ANKRD44: variants seen among roughly 807,000 people sequenced by gnomAD.
ANKRD44 encodes the protein ankyrin repeat domain 44.
Under a neutral mutation model 116.0 loss-of-function variants are expected in ANKRD44, and 35 were observed. That is an observed-to-expected ratio of 0.30 (90% CI 0.23 to 0.40). The LOEUF is 0.40. Ranked by LOEUF, ANKRD44 falls within the 10% of genes least tolerant of loss-of-function variation. The pLI is 1.00. For synonymous variants in ANKRD44, 435 were observed against 461.8 expected (o/e 0.94, Z 0.74); for missense variants, 1,014 against 1,242.6 (o/e 0.82, Z 2.77).
intron 2 of ANKRD44, among the ~76,000 whole-genome samples, chr2:197,164,767 A>G (rs2080065528): frequency 1.3e-5 from 2 of 151,354 alleles, no homozygotes; most frequent in Admixed American, 1.3e-4. Context: ...ATTCCCAGCA[A>G]TGCCTCTCAG....
intron 8 of ANKRD44, among the ~76,000 whole-genome samples, chr2:197,115,558 CATCT>C (rs1302095758): frequency 1.3e-5 from 2 of 152,170 alleles, no homozygotes; most frequent in Non-Finnish European, 2.9e-5. Flanking sequence ...TCTTCCCATC[CATCT>C]TTTAGTTGCT....
At chr2:197,266,309 A>G (rs1400209689) in intron 1 of ANKRD44, among the ~76,000 whole-genome samples, 1 of 152,152 alleles carries the variant, frequency 6.6e-6, no homozygotes, top group Non-Finnish European at 1.5e-5. Context: ...AAAGCCTCAA[A>G]TAACAGCTAA....
intron 1 of ANKRD44, among the ~76,000 whole-genome samples, chr2:197,218,182 G>C (rs996516034): frequency 6.6e-6 from 1 of 152,282 alleles, no homozygotes; most frequent in African/African-American, 2.4e-5. Flanking sequence ...AGACTATCCT[G>C]TACCTGAAAG....
chr2:196,981,015 T>C (rs1163071292), intron 21 of ANKRD44, among the ~76,000 whole-genome samples: 1 of 147,892 alleles, frequency 6.8e-6, no homozygotes, highest in African/African-American at 2.5e-5. Flanking sequence ...AATGCTTTTT[T>C]TTCTTCAGTC....
intron 4 of ANKRD44, among the ~76,000 whole-genome samples, chr2:197,126,948 A>G (rs1361627984): frequency 6.6e-6 from 1 of 151,970 alleles, no homozygotes; most frequent in Non-Finnish European, 1.5e-5. Context: ...TGATCATGAC[A>G]CTGCACTCCG....
In ANKRD44 at chr2:196,987,987, G is replaced by A; in HGVS notation, c.*1604C>T. 1.0e-6 allele frequency: 1 copy of A among 985,312 alleles called. No homozygotes were observed. The highest frequency in any genetic ancestry group is 1.2e-6 in the Non-Finnish European group (1 of 829,850). 61.0% of individuals were successfully genotyped at this position (985,312 alleles called of 1,614,324 possible). On this transcript the variant is annotated 3_prime_UTR_variant, in exon 28 of 28. Coordinates refer to ENST00000282272, the MANE Select transcript of ANKRD44 (RefSeq NM_001195144.2). The stretch of plus-strand genomic sequence containing the variant: ...AGAAAGAGAAAGAGAGGAAGAGAGA[G>A]AGAGAGAGATCAGTTGATGTAATGA...
chr2:197,005,982 G>C, intron 20 of ANKRD44, 72 bp from the exon 21 acceptor site: 1 of 1,460,988 alleles, frequency 6.8e-7, no homozygotes, highest in Non-Finnish European at 9.5e-7. Context: ...GGCTAAGTGA[G>C]GCTGGGCTTA....
In ANKRD44 at chr2:196,989,451, T is replaced by A; in HGVS notation, c.*140A>T. On this transcript the variant is annotated 3_prime_UTR_variant, in exon 28 of 28. Coordinates refer to ENST00000282272, the MANE Select transcript of ANKRD44 (RefSeq NM_001195144.2). ...ACTTGCATTTTGAAGGAAAAAAATGTGTATCTTCCATTTTAGACTGAAGCA... is the reference window on the plus strand; with the variant it reads ...ACTTGCATTTTGAAGGAAAAAAATGAGTATCTTCCATTTTAGACTGAAGCA... The A allele has an allele frequency of 7.9e-7, 1 of 1,269,418 alleles. No homozygotes were observed. The highest frequency in any genetic ancestry group is 9.9e-7 in the Non-Finnish European group (1 of 1,005,230). 78.6% of individuals were successfully genotyped at this position (1,269,418 alleles called of 1,614,324 possible). A position where few individuals can be genotyped will look rare whatever the true frequency, so the allele number is the denominator to read the frequency against.
chr2:197,156,518 A>G (rs917021789), intron 2 of ANKRD44, among the ~76,000 whole-genome samples: 1 of 152,260 alleles, frequency 6.6e-6, no homozygotes, highest in Admixed American at 6.5e-5. Flanking sequence ...GGGAAATGAT[A>G]TAGTCACTTT....
Position 196,989,233 on chromosome 2 carries a change from A to C in ANKRD44, c.*358T>G. On this transcript the variant is annotated 3_prime_UTR_variant, in exon 28 of 28. Transcript: ENST00000282272. ...CATTTGTTTCATTTCAAATAAATAT[A>C]AACACATTTACAGCAAAAGTATATG... The C allele has an allele frequency of 1.0e-6, 1 of 985,366 alleles. No individual in the cohort carries two copies. Among genetic ancestry groups the C allele is most frequent in the Non-Finnish European group, 1.2e-6 (1 of 829,608 alleles). 61.0% of individuals were successfully genotyped at this position (985,366 alleles called of 1,614,324 possible).
intron 1 of ANKRD44, among the ~76,000 whole-genome samples, chr2:197,286,108 G>A (rs995863346): frequency 3.9e-5 from 6 of 152,190 alleles, no homozygotes; most frequent in Admixed American, 3.9e-4. Context: ...GTAGTCATTT[G>A]CTGCTCTATA....
intron 16 of ANKRD44, among the ~76,000 whole-genome samples, chr2:197,053,637 C>T (rs2077153061): frequency 6.6e-6 from 1 of 152,146 alleles, no homozygotes; most frequent in South Asian, 2.1e-4. Context: ...GTGCCCACCA[C>T]CATGCCCATC....
intron 1 of ANKRD44, among the ~76,000 whole-genome samples, chr2:197,305,732 A>G (rs1352763116): frequency 6.6e-6 from 1 of 152,086 alleles, no homozygotes; most frequent in Non-Finnish European, 1.5e-5. Flanking sequence ...TTTATTTGGA[A>G]AAGTCATTGG....
chr2:197,085,173 C>T (rs1017063654), intron 13 of ANKRD44, among the ~76,000 whole-genome samples: 7 of 152,178 alleles, frequency 4.6e-5, no homozygotes, highest in Non-Finnish European at 1.0e-4. Context: ...CTTATGGGCT[C>T]TCTCACTAGT....
intron 1 of ANKRD44, among the ~76,000 whole-genome samples, chr2:197,278,614 G>A (rs2083169784): frequency 1.3e-5 from 2 of 152,170 alleles, no homozygotes; most frequent in South Asian, 4.1e-4. Flanking sequence ...GGGATTTCAG[G>A]CATGGGCCAC....
intron 16 of ANKRD44, among the ~76,000 whole-genome samples, chr2:197,054,003 T>C (rs575457989): frequency 6.6e-6 from 1 of 152,350 alleles, no homozygotes; most frequent in African/African-American, 2.4e-5. Flanking sequence ...CATATTCTTA[T>C]ATTCTGGCAA....
At chr2:197,246,258 C>T (rs2082188076) in intron 1 of ANKRD44, among the ~76,000 whole-genome samples, 1 of 150,682 alleles carries the variant, frequency 6.6e-6, no homozygotes, top group South Asian at 2.1e-4. Flanking sequence ...AGCAACATAG[C>T]TCACTGCAGC....
exon 22 of ANKRD44, chr2:196,967,438 G>A (rs573807367): frequency 4.3e-6 from 2 of 468,652 alleles, no homozygotes; most frequent in Admixed American, 4.7e-5. Context: ...ATCTTGAATG[G>A]TTAACAGCCT....
chr2:197,038,464 T>C (rs773256410), intron 16 of ANKRD44, among the ~76,000 whole-genome samples: 3 of 152,234 alleles, frequency 2.0e-5, no homozygotes, highest in Non-Finnish European at 2.9e-5. Flanking sequence ...AGTATGACTT[T>C]CTAAACCACA....
Sources: allele counts gnomAD v4.1 joint callset (sites outside exome capture counted in the v4.1 genomes callset), GRCh38; gene constraint gnomAD v4.1.1; transcripts MANE v1.5; gene names NCBI Gene and HGNC (gene_info 2026-07-23, HGNC 2026-07-21).